PRKG1: variants seen among roughly 807,000 people sequenced by gnomAD.
The protein encoded by PRKG1 is cGMP-dependent protein kinase 1.
A neutral mutation model predicts 88.1 loss-of-function variants in PRKG1; 35 were observed. The ratio of observed to expected loss-of-function variants is 0.40; its 90% CI spans 0.30 to 0.53. The LOEUF (loss-of-function observed/expected upper bound fraction) is 0.53, where lower values mean the gene tolerates loss of function less well. Ranked by LOEUF, PRKG1 falls within the 20% of genes least tolerant of loss-of-function variation. The probability of loss-of-function intolerance (pLI) is 0.59; values close to 1 mark genes in which losing one functional copy is unlikely to be tolerated. For missense variants in PRKG1, 540 were observed against 839.8 expected, an observed-to-expected ratio of 0.64 and a Z score of 4.41; for synonymous variants, 303 against 292.5, an observed-to-expected ratio of 1.04 and a Z score of -0.37.
chr10:52,222,027 G>A (rs1350394938), intron 9 of PRKG1, among the ~76,000 whole-genome samples: 2 of 152,174 alleles, frequency 1.3e-5, no homozygotes, highest in Admixed American at 1.3e-4. Context: ...TAAGGGTGGA[G>A]ATGAGTGTAT....
intron 1 of PRKG1, among the ~76,000 whole-genome samples, chr10:50,999,812 A>T: frequency 6.6e-6 from 1 of 152,214 alleles, no homozygotes; most frequent in East Asian, 1.9e-4. Context: ...ACATATGCTA[A>T]AAATTTTCCA....
chr10:51,989,136 G>T (rs1393497839), intron 5 of PRKG1, among the ~76,000 whole-genome samples: 2 of 152,002 alleles, frequency 1.3e-5, no homozygotes, highest in African/African-American at 4.8e-5. Context: ...GTGAGAGAAC[G>T]CATGGAAAGT....
intron 2 of PRKG1, among the ~76,000 whole-genome samples, chr10:51,196,934 A>T (rs1019514965): frequency 6.6e-6 from 1 of 152,198 alleles, no homozygotes; most frequent in African/African-American, 2.4e-5. Context: ...TAGTGTGTAG[A>T]GATATATTTC....
chr10:51,373,220 A>G (rs1842739525), intron 2 of PRKG1, among the ~76,000 whole-genome samples: 2 of 152,204 alleles, frequency 1.3e-5, no homozygotes. Flanking sequence ...CTGTATAACA[A>G]ATTTTCACAA....
chr10:51,716,436 A>T (rs989548646), intron 3 of PRKG1, among the ~76,000 whole-genome samples: 2 of 152,148 alleles, frequency 1.3e-5, no homozygotes, highest in South Asian at 4.1e-4. Context: ...CCTCTGAAGT[A>T]CCTGGTGTTC....
intron 1 of PRKG1, among the ~76,000 whole-genome samples, chr10:51,088,791 A>G (rs886900159): frequency 6.6e-6 from 1 of 150,526 alleles, no homozygotes; most frequent in Non-Finnish European, 1.5e-5. Flanking sequence ...GATGGCACAC[A>G]GTAGATATTT....
At chr10:51,961,545 C>T (rs1806907693) in intron 5 of PRKG1, among the ~76,000 whole-genome samples, 1 of 152,212 alleles carries the variant, frequency 6.6e-6, no homozygotes, top group African/African-American at 2.4e-5. Context: ...CAATAACACA[C>T]ACCCAGAAAG....
At chr10:51,607,971 T>C (rs1838810000) in intron 3 of PRKG1, among the ~76,000 whole-genome samples, 1 of 152,230 alleles carries the variant, frequency 6.6e-6, no homozygotes, top group South Asian at 2.1e-4. Flanking sequence ...TTTGTAGTAA[T>C]TGGCTCAATT....
chr10:52,275,275 G>GT (rs1223247043), intron 12 of PRKG1, among the ~76,000 whole-genome samples: 4 of 152,102 alleles, frequency 2.6e-5, no homozygotes, highest in African/African-American at 9.7e-5. Context: ...GTCTAGAAGG[G>GT]TTTTTCCAAT....
chr10:51,123,366 A>G (rs1183677016), intron 1 of PRKG1, among the ~76,000 whole-genome samples: 1 of 152,162 alleles, frequency 6.6e-6, no homozygotes, highest in African/African-American at 2.4e-5. Context: ...CATGCTCCGT[A>G]TTAGGCCTTT....
At chr10:51,800,245 A>G (rs1345767873) in intron 3 of PRKG1, among the ~76,000 whole-genome samples, 1 of 152,062 alleles carries the variant, frequency 6.6e-6, no homozygotes. Flanking sequence ...CCATTGACAG[A>G]TGTTTTGGAG....
intron 7 of PRKG1, among the ~76,000 whole-genome samples, chr10:52,082,564 C>G (rs909731848): frequency 6.6e-6 from 1 of 152,118 alleles, no homozygotes; most frequent in Non-Finnish European, 1.5e-5. Context: ...TGTGAGGGAG[C>G]TCTAACACAG....
chr10:52,097,570 T>C (rs1847200773), intron 7 of PRKG1, among the ~76,000 whole-genome samples: 1 of 152,112 alleles, frequency 6.6e-6, no homozygotes, highest in African/African-American at 2.4e-5. Context: ...TTGTTTTTCT[T>C]TGATACTTTG....
At chr10:51,235,211 T>C (rs1479268107) in intron 2 of PRKG1, among the ~76,000 whole-genome samples, 3 of 152,214 alleles carry the variant, frequency 2.0e-5, no homozygotes, top group Non-Finnish European at 4.4e-5. Context: ...TGATTCTGTT[T>C]TTCTGTTACT....
At chr10:51,369,573 G>A (rs1225163647) in intron 2 of PRKG1, among the ~76,000 whole-genome samples, 4 of 152,128 alleles carry the variant, frequency 2.6e-5, no homozygotes, top group Admixed American at 2.6e-4. Flanking sequence ...GCTGTAGGGT[G>A]TAGAAGAGTT....
intron 3 of PRKG1, among the ~76,000 whole-genome samples, chr10:51,644,062 T>A (rs1010804675): frequency 4.6e-5 from 7 of 152,168 alleles, no homozygotes; most frequent in Non-Finnish European, 1.0e-4. Context: ...AAAGATGAGT[T>A]CCCTGTTACT....
intron 12 of PRKG1, among the ~76,000 whole-genome samples, chr10:52,274,701 T>C (rs1001378009): frequency 3.4e-4 from 51 of 150,738 alleles, no homozygotes; most frequent in African/African-American, 1.2e-3. Context: ...AATAATGACT[T>C]CTTTTCATCT....
chr10:51,939,971 A>G (rs1378326248), intron 5 of PRKG1, among the ~76,000 whole-genome samples: 1 of 151,888 alleles, frequency 6.6e-6, no homozygotes, highest in African/African-American at 2.4e-5. Context: ...CAATGAATGG[A>G]GTCTTTTATA....
At chr10:51,749,960 G>A (rs1018290744) in intron 3 of PRKG1, among the ~76,000 whole-genome samples, 1 of 139,654 alleles carries the variant, frequency 7.2e-6, no homozygotes, top group Admixed American at 7.5e-5. Context: ...TCCTGTGACA[G>A]AGTCTTGCTC....
Sources: gnomAD v4.1 joint callset for allele counts (sites outside exome capture counted in the v4.1 genomes callset) on GRCh38, gnomAD v4.1.1 for gene constraint, MANE v1.5 for transcripts, NCBI Gene and HGNC (gene_info 2026-07-23, HGNC 2026-07-21) for gene names.